The following GFRA3 variants were observed in gnomAD, a reference collection of about 807,000 sequenced individuals.
The protein encoded by GFRA3 is GDNF family receptor alpha 3.
In GFRA3, 24 loss-of-function variants were observed where a neutral mutation model predicts 40.0. The observed-to-expected ratio is 0.60, with a 90% CI of 0.43 to 0.84. The LOEUF is 0.84. Among genes scored for constraint, GFRA3 ranks in the 40% least tolerant of loss-of-function variants. The pLI, the probability that GFRA3 is intolerant of heterozygous loss-of-function variation, is 0.00. For missense variants in GFRA3, 405 were observed against 530.6 expected (o/e 0.76, Z 2.33); for synonymous variants, 203 against 213.5 (o/e 0.95, Z 0.43).
chr5:138,257,754 C>T lies in GFRA3; in HGVS notation c.670G>A (p.Asp224Asn), dbSNP rs1755652751. Residue 224 changes from aspartate (D) to asparagine (N), a missense_variant, in exon 4 of 8, where the codon GAC becomes AAC. Transcript: ENST00000274721. ...GLLLCPCAPNDRGCGERRRNT... is the reference protein window; with the variant it reads ...GLLLCPCAPNNRGCGERRRNT... ...CGCCGGCGCTCCCCGCAGCCCCGGT[C>T]GTTGGGGGCACATGGGCACAGTAGC... 1 of 1,610,088 alleles carries T rather than the reference C, an allele frequency of 6.2e-7. No individual in the cohort carries two copies. Among genetic ancestry groups the T allele is most frequent in the Non-Finnish European group, 8.5e-7 (1 of 1,177,898 alleles).
chr5:138,272,752 C>A (rs1755894537), intron 1 of GFRA3, among the ~76,000 whole-genome samples: 1 of 152,102 alleles, frequency 6.6e-6, no homozygotes, highest in South Asian at 2.1e-4. Flanking sequence ...CCCCTTTTGA[C>A]AAGTCATGCC....
chr5:138,270,350 C>A (rs934344928), intron 1 of GFRA3, among the ~76,000 whole-genome samples: 3 of 146,052 alleles, frequency 2.1e-5, no homozygotes, highest in Non-Finnish European at 3.0e-5. Context: ...CCAGCCCGGG[C>A]GACAGAGCCA....
chr5:138,272,784 A>G (rs544358153), intron 1 of GFRA3, among the ~76,000 whole-genome samples: 2 of 152,196 alleles, frequency 1.3e-5, no homozygotes, highest in African/African-American at 4.8e-5. Flanking sequence ...GTTATAGTCC[A>G]TACCACTTTC....
intron 4 of GFRA3, among the ~76,000 whole-genome samples, chr5:138,254,465 G>A (rs1042583378): frequency 1.3e-5 from 2 of 152,042 alleles, no homozygotes; most frequent in African/African-American, 4.8e-5. Flanking sequence ...GGGATTACAG[G>A]TATGAGCCAC....
chr5:138,264,249 T>C lies in GFRA3; in HGVS notation c.379+12A>G, dbSNP rs916522226. ...TTCCCCAGCTTAGTCCACTCTATAA[T>C]GGGAGCCTCACCAAGGCTGCGGGCA... On this transcript the variant is annotated intron_variant, in intron 2 of 7. Coordinates refer to ENST00000274721, the MANE Select transcript of GFRA3 (RefSeq NM_001496.4). 1.9e-6 allele frequency: 3 copies of C among 1,583,548 alleles called. No individual in the cohort carries two copies. The highest frequency in any genetic ancestry group is 1.7e-6 in the Non-Finnish European group (2 of 1,158,736).
In GFRA3 at chr5:138,264,567, G is replaced by A. The variant is rs763433642; in HGVS notation, c.92-19C>T. ...GGGTCTCCTGTAAAGGGAGATACCA[G>A]GTGAGGCTACGTAAGATTAGAATAG... On this transcript the variant is annotated intron_variant, in intron 1 of 7. Coordinates refer to ENST00000274721, the MANE Select transcript of GFRA3 (RefSeq NM_001496.4). 4.5e-6 allele frequency: 7 copies of A among 1,552,838 alleles called. No individual in the cohort carries two copies. The highest frequency in any genetic ancestry group is 1.7e-4 in the Middle Eastern group (1 of 5,800).
chr5:138,258,122 A>G (rs946639098), intron 3 of GFRA3, among the ~76,000 whole-genome samples, 171 bp from the exon 4 acceptor site: 17 of 143,722 alleles, frequency 1.2e-4, no homozygotes, highest in Middle Eastern at 7.5e-3. Context: ...CCCTCTCCCC[A>G]CAAACTCTAC....
rs773622175 is a variant in GFRA3 at position 138,254,154 on chromosome 5, G to T, written c.792C>A (p.Arg264=). 2.1e-5 allele frequency: 33 copies of T among 1,586,812 alleles called. No individual in the cohort carries two copies. Among genetic ancestry groups the T allele is most frequent in the Non-Finnish European group, 2.7e-5 (31 of 1,156,250 alleles). Residue 264 remains arginine (R), a synonymous_variant, in exon 5 of 8, where the codon CGC becomes CGA. Coordinates refer to ENST00000274721, the MANE Select transcript of GFRA3 (RefSeq NM_001496.4). ...GGCAGTGGGTCTGGAAATCCACCAGGCGTGATCTGGAAGAAGGGAAATTTC... is the reference window on the plus strand; with the variant it reads ...GGCAGTGGGTCTGGAAATCCACCAGTCGTGATCTGGAAGAAGGGAAATTTC... ...LCFSDPLCRS[R]LVDFQTHCHP...
At chr5:138,269,602 G>C (rs1285441022) in intron 1 of GFRA3, among the ~76,000 whole-genome samples, 1 of 151,370 alleles carries the variant, frequency 6.6e-6, no homozygotes, top group Non-Finnish European at 1.5e-5. Context: ...CCAGCACTTT[G>C]GGAAGCCGAG....
In GFRA3 at chr5:138,264,424, G is replaced by T. The variant is rs1755753347; in HGVS notation, c.216C>A (p.Ser72Arg). Reference protein sequence around the residue: ...HHLDSCTSSISTPLPSEEPSV... With the variant: ...HHLDSCTSSIRTPLPSEEPSV... ...AAGGCTCCTCTGAGGGCAGTGGGGTGCTTATGCTAGAGGTGCAGGAATCCA... is the reference window on the plus strand; with the variant it reads ...AAGGCTCCTCTGAGGGCAGTGGGGTTCTTATGCTAGAGGTGCAGGAATCCA... Residue 72 changes from serine (S) to arginine (R), a missense_variant, in exon 2 of 8, where the codon AGC becomes AGA. By Grantham distance (110) the Ser-to-Arg change is moderately radical. Coordinates refer to ENST00000274721, the MANE Select transcript of GFRA3 (RefSeq NM_001496.4). 1 of 1,613,988 alleles carries T rather than the reference G, an allele frequency of 6.2e-7. No homozygotes were observed. Among genetic ancestry groups the T allele is most frequent in the African/African-American group, 1.3e-5 (1 of 74,928 alleles).
chr5:138,255,027 AAG>A (rs1755607381), intron 4 of GFRA3, among the ~76,000 whole-genome samples: 3 of 76,220 alleles, frequency 3.9e-5, no homozygotes, highest in Non-Finnish European at 1.1e-4. Flanking sequence ...GAGAGAGAGG[AAG>A]GAAGGAAGGA....
intron 4 of GFRA3, among the ~76,000 whole-genome samples, chr5:138,255,514 T>C (rs1322848388): frequency 6.6e-6 from 1 of 152,202 alleles, no homozygotes; most frequent in African/African-American, 2.4e-5. Flanking sequence ...ATCTATCAAA[T>C]ACCTTACCAA....
chr5:138,262,539 A>G (rs181492434), intron 2 of GFRA3, among the ~76,000 whole-genome samples: 2 of 151,700 alleles, frequency 1.3e-5, no homozygotes, highest in Admixed American at 6.6e-5. Flanking sequence ...TGCAGCCTCA[A>G]CCTCCTGGAC....
At chr5:138,254,396 A>C (rs1755597690) in intron 4 of GFRA3, among the ~76,000 whole-genome samples, 1 of 152,050 alleles carries the variant, frequency 6.6e-6, no homozygotes, top group Non-Finnish European at 1.5e-5. Context: ...CATGTCGGCC[A>C]GGCTGGTCTC....
chr5:138,254,869 G>C (rs564082489), intron 4 of GFRA3, among the ~76,000 whole-genome samples: 33 of 151,968 alleles, frequency 2.2e-4, no homozygotes, highest in Admixed American at 2.2e-3. Flanking sequence ...TGAGGTGGGA[G>C]AATCAGTTGA....
chr5:138,270,171 C>T (rs1206302296), intron 1 of GFRA3, among the ~76,000 whole-genome samples: 1 of 126,414 alleles, frequency 7.9e-6, no homozygotes, highest in African/African-American at 3.0e-5. Context: ...ACCATCCTGG[C>T]TAAAACAGTG....
chr5:138,259,796 T>A, intron 2 of GFRA3, 147 bp from the exon 3 acceptor site: 1 of 661,492 alleles, frequency 1.5e-6, no homozygotes, highest in Admixed American at 2.3e-5. Context: ...TGTGCAAAGA[T>A]GAGAAAAATG....
chr5:138,261,693 C>CAAAA (rs70979598), intron 2 of GFRA3, among the ~76,000 whole-genome samples: 69 of 46,180 alleles, frequency 1.5e-3, no homozygotes, highest in Non-Finnish European at 1.6e-3. Flanking sequence ...GACTCTGTCT[C>CAAAA]AAAAAAAAAA....
At chr5:138,270,444 A>C (rs574605529) in intron 1 of GFRA3, among the ~76,000 whole-genome samples, 1 of 152,130 alleles carries the variant, frequency 6.6e-6, no homozygotes, top group African/African-American at 2.4e-5. Context: ...TATTATTCTA[A>C]GTGAAGTAAC....
Sources: gnomAD v4.1 joint callset for allele counts (sites outside exome capture counted in the v4.1 genomes callset) on GRCh38, gnomAD v4.1.1 for gene constraint, MANE v1.5 for transcripts, NCBI Gene and HGNC (gene_info 2026-07-23, HGNC 2026-07-21) for gene names.